POU2F3: variants seen among roughly 807,000 people sequenced by gnomAD.
POU2F3 encodes the protein POU domain, class 2, transcription factor 3.
A neutral mutation model predicts 59.2 loss-of-function variants in POU2F3; 23 were observed. The observed-to-expected ratio is 0.39, with a 90% CI of 0.28 to 0.55. POU2F3 has a LOEUF of 0.55. Among genes scored for constraint, POU2F3 ranks in the 20% least tolerant of loss-of-function variants. The pLI, the probability that POU2F3 is intolerant of heterozygous loss-of-function variation, is 0.66. For missense variants in POU2F3, 473 were observed against 544.5 expected, an observed-to-expected ratio of 0.87 and a Z score of 1.31; for synonymous variants, 190 against 214.6, an observed-to-expected ratio of 0.89 and a Z score of 1.00.
rs187229172 is a variant in POU2F3 at position 120,255,347 on chromosome 11, C to T, written c.97+8830C>T. Reference sequence around the variant, plus strand: ...CAGCTGCTTGGGCTGGAAAAAGGAACGAAAAATCGAAGCCGGGGAGCCCAG... The same window carrying T: ...CAGCTGCTTGGGCTGGAAAAAGGAATGAAAAATCGAAGCCGGGGAGCCCAG... On this transcript the variant is annotated intron_variant, in intron 2 of 12. Coordinates refer to ENST00000543440, the MANE Select transcript of POU2F3 (RefSeq NM_014352.4). 1.5e-3 allele frequency among the ~76,000 whole-genome samples: 230 copies of T among 152,086 alleles called. 6 individuals carry two copies. Among genetic ancestry groups the T allele is most frequent in the Middle Eastern group, 3.4e-3 (1 of 294 alleles).
chr11:120,307,737 G>T lies in POU2F3; in HGVS notation c.906+122G>T. 3.8e-6 allele frequency: 5 copies of T among 1,327,322 alleles called. No homozygotes were observed. The South Asian group carries it at 7.0e-5, about 19-fold the overall frequency. The allele number at this position is 1,327,322 out of a possible 1,614,324, so 82.2% of individuals were successfully genotyped here. A position where few individuals can be genotyped will look rare whatever the true frequency, so the allele number is the denominator to read the frequency against. On this transcript the variant is annotated intron_variant, in intron 9 of 12. Transcript: ENST00000543440. ...TCACACCTGCTCTGGGACACGATCA[G>T]AAAACACATTATCCCACTCCAGGCG...
chr11:120,236,829 C>T (rs1367471042), upstream of POU2F3: 10 of 971,878 alleles, frequency 1.0e-5, no homozygotes, highest in Admixed American at 6.3e-5. Context: ...ACAGGTGGGA[C>T]TTAGAGGGCA....
In POU2F3 at chr11:120,309,721, T is replaced by C. The variant is rs59982630; in HGVS notation, c.1068+135T>C. 8,172 of 1,077,476 alleles carry C rather than the reference T, an allele frequency of 7.6e-3. 341 individuals are homozygous for C. In the African/African-American group the frequency reaches 0.1, roughly 14 times the overall value. 66.7% of individuals were successfully genotyped at this position (1,077,476 alleles called of 1,614,324 possible). ...AAGAGATGCTGTATAGAATATAGTA[T>C]AAAGAAGGGCGAGGGAATAGAAGGG... On this transcript the variant is annotated intron_variant, in intron 10 of 12. Coordinates refer to ENST00000543440, the MANE Select transcript of POU2F3 (RefSeq NM_014352.4).
At chr11:120,278,475 G>A (rs77802172) in intron 3 of POU2F3, among the ~76,000 whole-genome samples, 6,471 of 152,312 alleles carry the variant, frequency 0.042, 291 homozygotes, top group South Asian at 0.15. Context: ...AGAGCCAGAT[G>A]TGACTGGCTG....
At chr11:120,244,834 G>A (rs1051791922) in intron 1 of POU2F3, among the ~76,000 whole-genome samples, 10 of 152,228 alleles carry the variant, frequency 6.6e-5, no homozygotes, top group East Asian at 3.9e-4. Flanking sequence ...GTGTCTGGGC[G>A]GTCCATAGTA....
At position 120,285,333 on chromosome 11, in the gene POU2F3, T is replaced by C. The variant is rs1412501737; in HGVS notation, c.133-12932T>C. 6.6e-6 allele frequency among the ~76,000 whole-genome samples: 1 copy of C among 152,204 alleles called. No individual in the cohort carries two copies. The highest frequency in any genetic ancestry group is 1.9e-4 in the East Asian group (1 of 5,196). On this transcript the variant is annotated intron_variant, in intron 3 of 12. Coordinates refer to ENST00000543440, the MANE Select transcript of POU2F3 (RefSeq NM_014352.4). This position sits in a 1 kb window ranked among gnomAD's most constrained non-coding sequence, Gnocchi z 4.3. The stretch of plus-strand genomic sequence containing the variant: ...ACTTGCTACCAGCCTGCTTCAGGAC[T>C]GAGTGGGTTGAAATGCTAGACGCCA...
chr11:120,294,245 T>C lies in POU2F3; in HGVS notation c.133-4020T>C, dbSNP rs11217799. On this transcript the variant is annotated intron_variant, in intron 3 of 12. Transcript: ENST00000543440. ...TAATACCTTTGCACAGCACAGTGGGTGGAGAAGATCCTAAACCAACAAAGC... is the reference window on the plus strand; with the variant it reads ...TAATACCTTTGCACAGCACAGTGGGCGGAGAAGATCCTAAACCAACAAAGC... 0.033 allele frequency among the ~76,000 whole-genome samples: 5,094 copies of C among 152,270 alleles called. 1,273 individuals carry two copies. The East Asian group carries it at 0.66, about 20-fold the overall frequency.
At chr11:120,305,940 G>A (rs183911894) in intron 8 of POU2F3, among the ~76,000 whole-genome samples, 155 bp downstream of exon 8, 42 of 152,292 alleles carry the variant, frequency 2.8e-4, no homozygotes, top group Admixed American at 4.6e-4. Flanking sequence ...CAGGACACAG[G>A]CAAGTGTAGA....
At chr11:120,268,159 C>T (rs1362965337) in intron 2 of POU2F3, among the ~76,000 whole-genome samples, 2 of 151,962 alleles carry the variant, frequency 1.3e-5, no homozygotes, top group African/African-American at 4.8e-5. Flanking sequence ...ATGATGCTCA[C>T]TGGAAAAAGT....
chr11:120,317,483 G>A, intron 12 of POU2F3, 119 bp downstream of exon 12: 2 of 1,404,638 alleles, frequency 1.4e-6, no homozygotes, highest in South Asian at 1.3e-5. Context: ...GAGGAATGGG[G>A]TGGCACAGAG....
upstream of POU2F3, among the ~76,000 whole-genome samples, chr11:120,236,866 A>G (rs150441981): frequency 7.9e-3 from 1,196 of 152,294 alleles, 20 homozygotes; most frequent in African/African-American, 0.027. Flanking sequence ...CTCAGGGCAC[A>G]TGAGGGAGAA....
At chr11:120,255,708 G>A (rs1282902069) in intron 2 of POU2F3, among the ~76,000 whole-genome samples, 13 of 152,086 alleles carry the variant, frequency 8.5e-5, no homozygotes, top group Non-Finnish European at 1.6e-4. Flanking sequence ...TGGAGGAGTC[G>A]GCGCTGGGCT....
chr11:120,251,632 C>T (rs192966551), intron 2 of POU2F3, among the ~76,000 whole-genome samples: 7 of 152,232 alleles, frequency 4.6e-5, no homozygotes, highest in Non-Finnish European at 8.8e-5. Flanking sequence ...GATATTCCTG[C>T]TATGAATTCC....
chr11:120,236,936 G>GT (rs761348695), upstream of POU2F3, among the ~76,000 whole-genome samples: 2 of 152,314 alleles, frequency 1.3e-5, no homozygotes, highest in South Asian at 2.1e-4. Flanking sequence ...TCTGGGGTAA[G>GT]TCCCCCTCCT....
intron 2 of POU2F3, among the ~76,000 whole-genome samples, chr11:120,261,702 T>C (rs1044055782): frequency 5.3e-5 from 8 of 152,142 alleles, no homozygotes; most frequent in Admixed American, 5.2e-4. Flanking sequence ...TCCCTGTGCC[T>C]CTCTTTGCAG....
chr11:120,304,229 C>A (rs989700798), intron 6 of POU2F3: 1 of 150,596 alleles, frequency 6.6e-6, no homozygotes, highest in Admixed American at 6.6e-5. Flanking sequence ...TGTTCAGGAG[C>A]CTGAGGCAGG....
At chr11:120,303,206 A>C (rs760757510) in intron 6 of POU2F3, 16,965 of 152,244 alleles carry the variant, frequency 0.11, 1,204 homozygotes, top group African/African-American at 0.18. Context: ...GAAGCTCGCC[A>C]TCTAGTGGTT....
chr11:120,238,961 C>T (rs903243297), upstream of POU2F3, among the ~76,000 whole-genome samples: 14 of 151,428 alleles, frequency 9.2e-5, no homozygotes, highest in African/African-American at 2.7e-4. Context: ...ACTAAAGGCA[C>T]GAAAGATGCC....
chr11:120,315,313 G>A, intron 10 of POU2F3, 48 bp from the exon 11 acceptor site: 1 of 1,524,420 alleles, frequency 6.6e-7, no homozygotes, highest in African/African-American at 1.4e-5. Context: ...ATCTGAAGTT[G>A]GAGAAGGGAG....
Sources: gnomAD v4.1 joint callset for allele counts (sites outside exome capture counted in the v4.1 genomes callset) on GRCh38, gnomAD v4.1.1 for gene constraint, Gnocchi (gnomAD v3.1) non-coding constraint, MANE v1.5 for transcripts, NCBI Gene and HGNC (gene_info 2026-07-23, HGNC 2026-07-21) for gene names.